Variants in PCNT observed in about 807,000 individuals in gnomAD.
PCNT encodes pericentrin, also known as kendrin.
In PCNT, 319 loss-of-function variants were observed where a neutral mutation model predicts 380.4. The observed-to-expected ratio is 0.84, with a 90% CI of 0.77 to 0.92. The LOEUF (loss-of-function observed/expected upper bound fraction) is 0.92, where lower values mean the gene tolerates loss of function less well. Ranked by LOEUF, PCNT falls within the 40% of genes least tolerant of loss-of-function variation. The pLI, the probability that PCNT is intolerant of heterozygous loss-of-function variation, is 0.00. For synonymous variants in PCNT, 1,845 were observed against 1,735.2 expected (o/e 1.06, Z -1.57); for missense variants, 4,400 against 4,255.3 (o/e 1.03, Z -0.95).
At chr21:46,384,299 T>C (rs1334888627) in intron 16 of PCNT, among the ~76,000 whole-genome samples, 4 of 147,308 alleles carry the variant, frequency 2.7e-5, no homozygotes, top group Non-Finnish European at 4.5e-5. Context: ...GTGCTGTGCA[T>C]TCAGTGGCGG....
chr21:46,415,747 C>G lies in PCNT; in HGVS notation c.6151-322C>G, dbSNP rs571467344. 1.6e-4 allele frequency among the ~76,000 whole-genome samples: 25 copies of G among 152,300 alleles called. 2 individuals carry two copies. Among genetic ancestry groups the G allele is most frequent in the African/African-American group, 5.3e-4 (22 of 41,560 alleles). ...GCCAAATTCTTAGAAGTTACACACA[C>G]AGAAACTCCAAATTCATCACATAAA... On this transcript the variant is annotated intron_variant, in intron 29 of 46. Coordinates refer to ENST00000359568, the MANE Select transcript of PCNT (RefSeq NM_006031.6).
At position 46,346,776 on chromosome 21, in the gene PCNT, C is replaced by G; in HGVS notation, c.754C>G (p.Leu252Val). 1 of 1,598,632 alleles carries G rather than the reference C, an allele frequency of 6.3e-7. No homozygotes were observed. The highest frequency in any genetic ancestry group is 1.1e-5 in the South Asian group (1 of 88,328). ...TGGCCTTGAGCTGGAGGCGCTGCGCCTGAGTCTGAGCAACATGCACACGGC... is the reference window on the plus strand; with the variant it reads ...TGGCCTTGAGCTGGAGGCGCTGCGCGTGAGTCTGAGCAACATGCACACGGC... ...VHGLELEALR[L>V]SLSNMHTAQL... Residue 252 changes from leucine (L) to valine (V), a missense_variant, in exon 5 of 47, where the codon CTG becomes GTG. Physicochemically the swap from Leu to Val is conservative, Grantham distance 32. Transcript: ENST00000359568.
chr21:46,431,453 A>G, intron 37 of PCNT, 76 bp from the exon 38 acceptor site: 2 of 1,611,896 alleles, frequency 1.2e-6, no homozygotes, highest in South Asian at 2.2e-5. Flanking sequence ...GTATATAAAC[A>G]AATGTGGACA....
intron 31 of PCNT, chr21:46,420,870 G>C (rs1431451605): frequency 6.6e-6 from 1 of 152,232 alleles, no homozygotes; most frequent in Non-Finnish European, 1.5e-5. Context: ...TTTCCCCAAA[G>C]ATTTCTTCGT....
intron 11 of PCNT, 57 bp from the exon 12 acceptor site, chr21:46,355,395 C>T: frequency 6.4e-7 from 1 of 1,559,506 alleles, no homozygotes; most frequent in South Asian, 1.1e-5. Flanking sequence ...AGGGTTATAG[C>T]TGCGAGCGAG....
At chr21:46,347,747 C>T (rs758971286) in intron 6 of PCNT, among the ~76,000 whole-genome samples, 1 of 152,194 alleles carries the variant, frequency 6.6e-6, no homozygotes, top group Non-Finnish European at 1.5e-5. Flanking sequence ...ACTGCTCGGC[C>T]CCTCCATGCT....
Position 46,409,190 on chromosome 21 carries a change from C to CTT in PCNT, c.5116-1982_5116-1981dup, listed in dbSNP as rs11399485. On this transcript the variant is annotated intron_variant, in intron 27 of 46. Coordinates refer to ENST00000359568, the MANE Select transcript of PCNT (RefSeq NM_006031.6). ...ATGTTTTGCAGAGCAAAACTTTTTA[C>CTT]TTTTTTTTTTTTTTTTTTGACAGAG... Among the ~76,000 whole-genome samples the CTT allele has an allele frequency of 7.5e-3, 932 of 123,972 alleles. 21 individuals carry two copies. The highest frequency in any genetic ancestry group is 0.014 in the African/African-American group (468 of 33,034). The allele number at this position is 123,972 out of a possible 152,430, so 81.3% of individuals were successfully genotyped here.
intron 15 of PCNT, among the ~76,000 whole-genome samples, chr21:46,377,825 T>C (rs890001383): frequency 7.2e-5 from 11 of 152,104 alleles, no homozygotes; most frequent in Non-Finnish European, 1.3e-4. Context: ...CCAGGCTGCA[T>C]GACAGCAAAA....
At chr21:46,333,836 CAAA>C (rs568452326) in intron 2 of PCNT, among the ~76,000 whole-genome samples, 4 of 82,102 alleles carry the variant, frequency 4.9e-5, no homozygotes. Flanking sequence ...GACTCCGTCT[CAAA>C]AAAAAAAAAA....
intron 35 of PCNT, among the ~76,000 whole-genome samples, chr21:46,429,210 C>T (rs1169861449): frequency 6.6e-6 from 1 of 151,876 alleles, no homozygotes; most frequent in African/African-American, 2.4e-5. Context: ...CTCTCTGGGG[C>T]TGGGGGCCGG....
chr21:46,345,497 G>A (rs1310356402), intron 3 of PCNT, among the ~76,000 whole-genome samples: 2 of 152,194 alleles, frequency 1.3e-5, no homozygotes, highest in African/African-American at 2.4e-5. Flanking sequence ...GATTATAGGC[G>A]TGAGCCACCA....
intron 35 of PCNT, 28 bp from the exon 36 acceptor site, chr21:46,429,976 TGGGGGC>T (rs1569296894): frequency 1.7e-5 from 27 of 1,569,866 alleles, no homozygotes; most frequent in Non-Finnish European, 2.2e-5. Flanking sequence ...GAGGAGCTCA[TGGGGGC>T]CTGTTACTGT....
In PCNT at chr21:46,430,138, C is replaced by G. The variant is rs749426946; in HGVS notation, c.7819C>G (p.Arg2607Gly). ...KLLAAEQTVV[R>G]DLKSDLCESR... ...CCTGGCGGCGGAGCAGACTGTAGTG[C>G]GAGATTTGAAGTCCGACCTCTGTGA... Residue 2607 changes from arginine to glycine, a missense_variant, in exon 36 of 47, where the codon CGA becomes GGA. Coordinates refer to ENST00000359568, the MANE Select transcript of PCNT (RefSeq NM_006031.6). 6.2e-7 allele frequency: 1 copy of G among 1,614,072 alleles called. No homozygotes were observed. Among genetic ancestry groups the G allele is most frequent in the African/African-American group, 1.3e-5 (1 of 74,930 alleles).
chr21:46,426,076 T>TTC (rs200577411), intron 33 of PCNT, 105 bp downstream of exon 33: 35,391 of 832,666 alleles, frequency 0.043, 1,362 homozygotes, highest in East Asian at 0.098. Context: ...TTTCTTTTTT[T>TTC]TTTTTTTTTT....
rs1455335545 is a variant in PCNT, at chr21:46,395,137, G to A, written c.4217-2128G>A. ...GTTTACAGCGGACTCGCCGTTAACTGCTGACAGTGGCATCAACATTTATTG... is the reference window on the plus strand; with the variant it reads ...GTTTACAGCGGACTCGCCGTTAACTACTGACAGTGGCATCAACATTTATTG... On this transcript the variant is annotated intron_variant, in intron 21 of 46. Transcript: ENST00000359568. Among the ~76,000 whole-genome samples the A allele has an allele frequency of 3.9e-5, 6 of 152,360 alleles. No homozygotes were observed. In the East Asian group the frequency reaches 9.6e-4, roughly 24 times the overall value.
chr21:46,387,054 C>G (rs985075488), intron 17 of PCNT, among the ~76,000 whole-genome samples: 1 of 152,100 alleles, frequency 6.6e-6, no homozygotes, highest in African/African-American at 2.4e-5. Flanking sequence ...TGTCCCCACT[C>G]GAGGCCTCTG....
intron 2 of PCNT, among the ~76,000 whole-genome samples, chr21:46,333,447 GAAAA>G (rs899287494): frequency 7.7e-6 from 1 of 129,238 alleles, no homozygotes; most frequent in Non-Finnish European, 1.7e-5. Flanking sequence ...AGACAAAAAA[GAAAA>G]AAAAAATTAG....
At chr21:46,400,279 GCAC>G (rs1249300703) in intron 25 of PCNT, among the ~76,000 whole-genome samples, 33 of 152,132 alleles carry the variant, frequency 2.2e-4, no homozygotes, top group Non-Finnish European at 3.7e-4. Context: ...AGGGGCTGGA[GCAC>G]TGAGCCAGGT....
At chr21:46,349,889 C>A in intron 8 of PCNT, 69 bp downstream of exon 8, 1 of 1,429,256 alleles carries the variant, frequency 7.0e-7, no homozygotes, top group Non-Finnish European at 9.9e-7. Flanking sequence ...TGGAATTGGG[C>A]TATTTCGTAT....
Sources: allele counts gnomAD v4.1 joint callset (sites outside exome capture counted in the v4.1 genomes callset), GRCh38; gene constraint gnomAD v4.1.1; transcripts MANE v1.5; gene names NCBI Gene and HGNC (gene_info 2026-07-23, HGNC 2026-07-21).